ARHGEF28: variants seen among roughly 807,000 people sequenced by gnomAD.
The protein encoded by ARHGEF28 is 190 kDa guanine nucleotide exchange factor.
In ARHGEF28, 152 loss-of-function variants were observed where a neutral mutation model predicts 206.6. The ratio of observed to expected loss-of-function variants is 0.74; its 90% confidence interval spans 0.64 to 0.84. The LOEUF (loss-of-function observed/expected upper bound fraction) is 0.84, where lower values mean the gene tolerates loss of function less well. Among genes scored for constraint, ARHGEF28 ranks in the 40% least tolerant of loss-of-function variants. The pLI is 0.00. For missense variants in ARHGEF28, 2,028 were observed against 2,073.2 expected (o/e 0.98, Z 0.42); for synonymous variants, 763 against 776.4 (o/e 0.98, Z 0.29).
intron 2 of ARHGEF28, among the ~76,000 whole-genome samples, chr5:73,744,760 G>A (rs2112385226): frequency 6.6e-6 from 1 of 151,992 alleles, no homozygotes; most frequent in Non-Finnish European, 1.5e-5. Context: ...GAATCCATTG[G>A]AAGATAGTTT....
intron 1 of ARHGEF28, among the ~76,000 whole-genome samples, chr5:73,680,731 AAGTTG>A (rs1747034911): frequency 6.6e-6 from 1 of 152,200 alleles, no homozygotes; most frequent in Non-Finnish European, 1.5e-5. Flanking sequence ...CAAATACCAC[AAGTTG>A]AGTTGTGAAA....
chr5:73,867,102 TC>T (rs2112630809), intron 18 of ARHGEF28, among the ~76,000 whole-genome samples: 1 of 152,298 alleles, frequency 6.6e-6, no homozygotes, highest in East Asian at 1.9e-4. Flanking sequence ...ATAAATAGTA[TC>T]TTAGAATTGA....
chr5:73,900,130 G>A (rs1561496999), intron 30 of ARHGEF28: 5 of 152,220 alleles, frequency 3.3e-5, no homozygotes, highest in South Asian at 2.1e-4. Context: ...AGCCGTTTCC[G>A]TTTAGACAAA....
intron 16 of ARHGEF28, among the ~76,000 whole-genome samples, chr5:73,860,346 T>C (rs1378848156): frequency 6.6e-6 from 1 of 152,200 alleles, no homozygotes; most frequent in Non-Finnish European, 1.5e-5. Flanking sequence ...TGGAGAATTA[T>C]GGTAAAAACT....
At chr5:73,838,587 C>T (rs1305547640) in intron 10 of ARHGEF28, among the ~76,000 whole-genome samples, 2 of 152,084 alleles carry the variant, frequency 1.3e-5, no homozygotes, top group Non-Finnish European at 2.9e-5. Context: ...ACTCAAATTC[C>T]TCAAATGGTA....
At chr5:73,839,713 C>T (rs1031793032) in intron 10 of ARHGEF28, among the ~76,000 whole-genome samples, 4 of 152,160 alleles carry the variant, frequency 2.6e-5, no homozygotes, top group Admixed American at 6.5e-5. Flanking sequence ...AGCAGGAGCA[C>T]GAGGCCTTAC....
At chr5:73,803,251 A>G (rs573318827) in intron 9 of ARHGEF28, 6 of 160,750 alleles carry the variant, frequency 3.7e-5, no homozygotes, top group African/African-American at 1.4e-4. Flanking sequence ...TTGTGCAACA[A>G]ATTCATGACA....
chr5:73,811,346 A>G (rs1055878418), intron 9 of ARHGEF28, among the ~76,000 whole-genome samples: 5 of 152,198 alleles, frequency 3.3e-5, no homozygotes, highest in South Asian at 2.1e-4. Context: ...ACAAATATAT[A>G]TTTTAAACAC....
chr5:73,694,617 A>G lies in ARHGEF28; in HGVS notation c.33+9733A>G, dbSNP rs147883592. On this transcript the variant is annotated intron_variant, in intron 2 of 35. Transcript: ENST00000513042. ...TCCATATTCCAGAAAGGCAGCCCTT[A>G]TAGAAGATGTGATTTAGCTATACTA... 5.9e-3 allele frequency among the ~76,000 whole-genome samples: 896 copies of G among 152,356 alleles called. 12 individuals are homozygous for G. Among genetic ancestry groups the G allele is most frequent in the African/African-American group, 0.02 (834 of 41,590 alleles).
intron 9 of ARHGEF28, among the ~76,000 whole-genome samples, chr5:73,800,069 AT>A (rs1755044410): frequency 6.6e-6 from 1 of 152,220 alleles, no homozygotes; most frequent in Admixed American, 6.5e-5. Flanking sequence ...AAAATTGGGA[AT>A]TTTAGAAAGA....
intron 1 of ARHGEF28, among the ~76,000 whole-genome samples, chr5:73,642,814 A>G (rs1420479248): frequency 6.6e-6 from 1 of 152,126 alleles, no homozygotes; most frequent in Non-Finnish European, 1.5e-5. Context: ...TACTATCATC[A>G]TGCTCTAATA....
Position 73,670,500 on chromosome 5 carries a change from A to G in ARHGEF28, c.-11-14341A>G, listed in dbSNP as rs550763818. Among the ~76,000 whole-genome samples the G allele has an allele frequency of 3.9e-5, 6 of 152,232 alleles. 1 individual carries two copies. In the East Asian group the frequency reaches 9.6e-4, roughly 24 times the overall value. ...ACAGGTTTTTGTGTGAACACATTTT[A>G]TTTCTCCAAGGAGAAAATGCCCTTT... On this transcript the variant is annotated intron_variant, in intron 1 of 35. Coordinates refer to ENST00000513042, the MANE Select transcript of ARHGEF28 (RefSeq NM_001177693.2).
At chr5:73,782,439 AAAAACAAAAC>A (rs371224843) in intron 7 of ARHGEF28, among the ~76,000 whole-genome samples, 15 of 152,130 alleles carry the variant, frequency 9.9e-5, no homozygotes, top group African/African-American at 1.2e-4. Context: ...CTCCATCTCA[AAAAACAAAAC>A]AAAACAAAAC....
At chr5:73,835,078 T>C (rs1404381382) in intron 10 of ARHGEF28, 1 of 152,174 alleles carries the variant, frequency 6.6e-6, no homozygotes, top group Non-Finnish European at 1.5e-5. Flanking sequence ...CAGCTCCACC[T>C]ACCAGCATCC....
At chr5:73,683,480 T>G (rs1158864868) in intron 1 of ARHGEF28, among the ~76,000 whole-genome samples, 1 of 152,122 alleles carries the variant, frequency 6.6e-6, no homozygotes, top group Non-Finnish European at 1.5e-5. Context: ...CTGTCTGAGT[T>G]CTTTCACTTA....
At chr5:73,759,210 A>G (rs559204575) in intron 4 of ARHGEF28, among the ~76,000 whole-genome samples, 1 of 152,350 alleles carries the variant, frequency 6.6e-6, no homozygotes, top group East Asian at 1.9e-4. Flanking sequence ...TTAACTTGCA[A>G]ATAACACCAA....
rs762976480 is a variant in ARHGEF28, at chr5:73,840,729, G to A, written c.1396G>A (p.Glu466Lys). The change falls in exon 11 of 36, where the codon GAA (glutamate) becomes AAA (lysine). Residue 466 changes from glutamate (E) to lysine (K), a missense_variant. Around this residue, in one of 3 missense-constraint regions of ARHGEF28, gnomAD observed 1,002 missense variants for 1,015.3 expected, o/e 0.99. Coordinates refer to ENST00000513042, the MANE Select transcript of ARHGEF28 (RefSeq NM_001177693.2). ...LNLSFGWHGF[E>K]KEQSHLKKRS... Reference sequence around the variant, plus strand: ...TCTTTCTTTTGGTTGGCATGGATTTGAAAAGGAACAAAGTCATCTAAAGAA... The same window carrying A: ...TCTTTCTTTTGGTTGGCATGGATTTAAAAAGGAACAAAGTCATCTAAAGAA... 1.2e-6 allele frequency: 2 copies of A among 1,610,834 alleles called. No homozygotes were observed. Among genetic ancestry groups the A allele is most frequent in the South Asian group, 2.2e-5 (2 of 90,410 alleles).
rs768783093 is a variant in ARHGEF28, at chr5:73,840,681, A to C, written c.1348A>C (p.Ser450Arg). ...EAQQSFMSPS[S>R]SCASNLNLSF... is the part of the protein sequence containing the mutation. ...CCAGCAGTCCTTCATGTCACCATCA[A>C]GTTCGTGTGCTTCCAACTTGAATCT... Residue 450 changes from serine (S) to arginine (R), a missense_variant, in exon 11 of 36, where the codon AGT becomes CGT. By Grantham distance (110) the Ser-to-Arg change is moderately radical. This residue lies in a region of ARHGEF28 where 1,002 missense variants were observed against 1,015.3 expected (regional missense o/e 0.99). Transcript: ENST00000513042. The C allele has an allele frequency of 2.5e-6, 4 of 1,613,328 alleles. No homozygotes were observed. The highest frequency in any genetic ancestry group is 1.7e-6 in the Non-Finnish European group (2 of 1,179,556).
intron 6 of ARHGEF28, chr5:73,780,313 T>G: frequency 4.5e-6 from 1 of 223,858 alleles, no homozygotes; most frequent in Non-Finnish European, 9.0e-6. Flanking sequence ...GGATGTGGAT[T>G]TGGTCTGCTC....
Sources: gnomAD v4.1 joint callset for allele counts (sites outside exome capture counted in the v4.1 genomes callset) on GRCh38, gnomAD v4.1.1 for gene constraint, gnomAD v4.1.1 regional missense constraint, MANE v1.5 for transcripts, NCBI Gene and HGNC (gene_info 2026-07-23, HGNC 2026-07-21) for gene names.